Variants in PCDHA5 observed in about 807,000 individuals in gnomAD.
PCDHA5 encodes protocadherin alpha-5.
Under a neutral mutation model 61.6 loss-of-function variants are expected in PCDHA5, and 43 were observed. The observed-to-expected ratio is 0.70, with a 90% CI of 0.55 to 0.90. The LOEUF (loss-of-function observed/expected upper bound fraction) is 0.90, where lower values mean the gene tolerates loss of function less well. PCDHA5 is among the 40% of genes least tolerant of loss of function. The pLI, the probability that PCDHA5 is intolerant of heterozygous loss-of-function variation, is 0.00. For missense variants in PCDHA5, 1,298 were observed against 1,222.7 expected (o/e 1.06, Z -0.92); for synonymous variants, 627 against 543.9 (o/e 1.15, Z -2.13).
intron 1 of PCDHA5, chr5:140,966,540 C>G (rs1477712677): frequency 4.3e-6 from 2 of 462,788 alleles, no homozygotes; most frequent in African/African-American, 2.0e-5. Flanking sequence ...TTGAGCGACT[C>G]GGAGGCGAGC....
chr5:140,894,603 C>G (rs782068626), intron 1 of PCDHA5, among the ~76,000 whole-genome samples: 1 of 151,756 alleles, frequency 6.6e-6, no homozygotes, highest in African/African-American at 2.4e-5. Context: ...TTTCTCATCT[C>G]TCTTTTCAAA....
chr5:140,889,108 T>C (rs553126619), intron 1 of PCDHA5, among the ~76,000 whole-genome samples: 3 of 151,936 alleles, frequency 2.0e-5, no homozygotes, highest in Admixed American at 1.3e-4. Context: ...TCATCTTTAT[T>C]CCAGGTGATA....
intron 1 of PCDHA5, among the ~76,000 whole-genome samples, chr5:140,907,970 A>G (rs1312755290): frequency 6.6e-6 from 1 of 152,158 alleles, no homozygotes; most frequent in African/African-American, 2.4e-5. Context: ...CAATTTTCCA[A>G]TCATGCTTCT....
chr5:140,876,718 G>C, intron 1 of PCDHA5: 1 of 1,614,242 alleles, frequency 6.2e-7, no homozygotes, highest in Non-Finnish European at 8.5e-7. Context: ...CCTGGACCGC[G>C]AGAGCGTGTC....
chr5:140,894,138 T>A (rs1224822611), intron 1 of PCDHA5, among the ~76,000 whole-genome samples: 2 of 152,112 alleles, frequency 1.3e-5, no homozygotes, highest in Non-Finnish European at 2.9e-5. Flanking sequence ...TTGAAATAAT[T>A]CCCTTCTATG....
chr5:140,908,754 A>G (rs1403008536), intron 1 of PCDHA5, among the ~76,000 whole-genome samples: 1 of 152,184 alleles, frequency 6.6e-6, no homozygotes, highest in African/African-American at 2.4e-5. Context: ...ACTTGCACAC[A>G]GCCTGGACGT....
chr5:140,955,796 A>G (rs1432865248), intron 1 of PCDHA5, among the ~76,000 whole-genome samples: 3 of 152,004 alleles, frequency 2.0e-5, no homozygotes, highest in Non-Finnish European at 4.4e-5. Context: ...ATGTTTTTCT[A>G]TTTGTTTGTG....
At chr5:140,842,744 T>C in intron 1 of PCDHA5, 1 of 1,595,066 alleles carries the variant, frequency 6.3e-7, no homozygotes, top group East Asian at 2.2e-5. Context: ...CTGCCACATC[T>C]TCACGGTGTC....
At chr5:140,912,511 T>C (rs2075947919) in intron 1 of PCDHA5, among the ~76,000 whole-genome samples, 1 of 152,158 alleles carries the variant, frequency 6.6e-6, no homozygotes, top group Non-Finnish European at 1.5e-5. Context: ...TGGATGAATC[T>C]TTAGGGTTTT....
intron 1 of PCDHA5, chr5:140,926,630 C>T (rs754707244): frequency 6.0e-5 from 25 of 417,902 alleles, no homozygotes; most frequent in Non-Finnish European, 3.3e-5. Context: ...CGGCGCTGCG[C>T]TCCTCAACAC....
intron 1 of PCDHA5, among the ~76,000 whole-genome samples, chr5:140,840,700 CA>C (rs1776825723): frequency 6.6e-6 from 1 of 151,868 alleles, no homozygotes; most frequent in African/African-American, 2.4e-5. Context: ...ACGGTTCAGG[CA>C]ATTTGACATT....
At chr5:140,848,598 G>A (rs2150413954) in intron 1 of PCDHA5, 3 of 1,593,830 alleles carry the variant, frequency 1.9e-6, no homozygotes, top group East Asian at 2.2e-5. Flanking sequence ...CCACTACTCC[G>A]TCCCGGAGGA....
At chr5:140,891,698 T>C (rs2063212804) in intron 1 of PCDHA5, among the ~76,000 whole-genome samples, 1 of 152,258 alleles carries the variant, frequency 6.6e-6, no homozygotes, top group Non-Finnish European at 1.5e-5. Context: ...TGCTGTTGTC[T>C]GAATTTGTAC....
intron 3 of PCDHA5, among the ~76,000 whole-genome samples, chr5:141,007,801 G>A (rs559830556): frequency 2.6e-5 from 4 of 152,148 alleles, no homozygotes; most frequent in African/African-American, 7.2e-5. Flanking sequence ...GCCTTTATCT[G>A]CCATTCATTT....
intron 1 of PCDHA5, chr5:140,928,020 T>G: frequency 1.2e-6 from 2 of 1,614,182 alleles, no homozygotes; most frequent in Middle Eastern, 1.6e-4. Context: ...GTAGGGTCAT[T>G]TGTGGCATGT....
At chr5:140,890,204 CT>C (rs1256018806) in intron 1 of PCDHA5, among the ~76,000 whole-genome samples, 2 of 151,984 alleles carry the variant, frequency 1.3e-5, no homozygotes, top group African/African-American at 4.8e-5. Context: ...TTTTGTTTTT[CT>C]TTTTTCCCAG....
At chr5:140,879,347 T>C (rs530902728) in intron 1 of PCDHA5, among the ~76,000 whole-genome samples, 44 of 152,324 alleles carry the variant, frequency 2.9e-4, no homozygotes, top group African/African-American at 1.0e-3. Context: ...GCTGAGAAGA[T>C]GACATTGCCA....
intron 1 of PCDHA5, among the ~76,000 whole-genome samples, chr5:140,855,023 G>C (rs115040572): frequency 0.046 from 6,867 of 149,598 alleles, 637 homozygotes; most frequent in Middle Eastern, 0.088. Context: ...GAAACTTCTT[G>C]TATAAAGGAT....
chr5:140,826,566 G>A (rs1423403318), intron 1 of PCDHA5, among the ~76,000 whole-genome samples: 2 of 152,130 alleles, frequency 1.3e-5, no homozygotes, highest in Non-Finnish European at 2.9e-5. Context: ...TGAAGGAGGG[G>A]TTTAATCACT....
Sources: allele counts gnomAD v4.1 joint callset (sites outside exome capture counted in the v4.1 genomes callset), GRCh38; gene constraint gnomAD v4.1.1; transcripts MANE v1.5; gene names NCBI Gene and HGNC (gene_info 2026-07-23, HGNC 2026-07-21).